SYTL2: variants seen among roughly 807,000 people sequenced by gnomAD.
SYTL2 encodes synaptotagmin-like protein 2.
SYTL2 carries 165 observed loss-of-function variants against 198.7 expected under a neutral mutation model. The ratio of observed to expected loss-of-function variants is 0.83; its 90% CI spans 0.73 to 0.94. The LOEUF (loss-of-function observed/expected upper bound fraction) is 0.94, where lower values mean the gene tolerates loss of function less well. Among genes scored for constraint, SYTL2 ranks in the 40% least tolerant of loss-of-function variants. SYTL2 has a pLI of 0.00. For missense variants in SYTL2, 2,835 were observed against 2,582.8 expected (o/e 1.10, Z -2.12); for synonymous variants, 966 against 917.7 (o/e 1.05, Z -0.95).
At chr11:85,782,918 A>G (rs1310384799) in intron 1 of SYTL2, among the ~76,000 whole-genome samples, 2 of 152,172 alleles carry the variant, frequency 1.3e-5, no homozygotes, top group Admixed American at 6.5e-5. Flanking sequence ...AAAACCATTC[A>G]ACAAGTCTCT....
In SYTL2 at chr11:85,727,352, T is replaced by G. The variant is rs1024117941; in HGVS notation, c.2006A>C (p.Tyr669Ser). The G allele has an allele frequency of 5.2e-6, 8 of 1,536,116 alleles. No homozygotes were observed. In the African/African-American group the frequency reaches 1.1e-4, roughly 21 times the overall value. Residue 669 changes from tyrosine to serine, a missense_variant, in exon 8 of 20, where the codon TAT (tyrosine) becomes TCT (serine). By Grantham distance (144) the Tyr-to-Ser change is moderately radical (BLOSUM62 -2). Coordinates refer to ENST00000359152, the MANE Select transcript of SYTL2 (RefSeq NM_206927.4). Reference protein sequence around the residue: ...GNGASPSNSNYSYSVLKESDA... With the variant: ...GNGASPSNSNSSYSVLKESDA... ...AGATTCCTTGAGAACACTGTAGGAATAGTTACTATTTGAAGGAGATGCCCC... is the reference window on the plus strand; with the variant it reads ...AGATTCCTTGAGAACACTGTAGGAAGAGTTACTATTTGAAGGAGATGCCCC...
intron 1 of SYTL2, among the ~76,000 whole-genome samples, chr11:85,776,259 A>G (rs1483904260): frequency 6.6e-6 from 1 of 152,114 alleles, no homozygotes; most frequent in Admixed American, 6.5e-5. Context: ...GAGCCAAATA[A>G]ACCTTTTATT....
At chr11:85,850,974 A>G in the SYTL2 span, among the ~76,000 whole-genome samples, 1 of 144,104 alleles carries the variant, frequency 6.9e-6, no homozygotes, top group African/African-American at 2.6e-5. Flanking sequence ...GGAACTGAAC[A>G]ATGAGATCAC....
intron 1 of SYTL2, among the ~76,000 whole-genome samples, chr11:85,772,593 G>A (rs1162399526): frequency 1.3e-5 from 2 of 152,194 alleles, no homozygotes; most frequent in Non-Finnish European, 2.9e-5. Flanking sequence ...TGCGTATGAA[G>A]GCAGAATGAC....
At chr11:85,794,862 A>T (rs574859448) in intron 1 of SYTL2, among the ~76,000 whole-genome samples, 1 of 151,944 alleles carries the variant, frequency 6.6e-6, no homozygotes, top group East Asian at 1.9e-4. Context: ...TGGAAAGTAG[A>T]TCCCTTCATC....
Position 85,709,310 on chromosome 11 carries a change from G to A in SYTL2, c.5915+21C>T, listed in dbSNP as rs567429647. The A allele has an allele frequency of 5.6e-6, 9 of 1,612,072 alleles. No homozygotes were observed. In the East Asian group the frequency reaches 1.8e-4, roughly 32 times the overall value. On this transcript the variant is annotated intron_variant, in intron 14 of 19. Coordinates refer to ENST00000359152, the MANE Select transcript of SYTL2 (RefSeq NM_206927.4). ...CAGTTGGAGAACTAAGAGAAGGTAG[G>A]TGACTCTAAAATGTACTTACGGGTC...
At chr11:85,742,548 T>G (rs950160720) in intron 4 of SYTL2, among the ~76,000 whole-genome samples, 11 of 152,332 alleles carry the variant, frequency 7.2e-5, no homozygotes, top group African/African-American at 2.6e-4. Context: ...CATGCACTGT[T>G]TGCCACTGGT....
chr11:85,829,051 T>G, the SYTL2 span, among the ~76,000 whole-genome samples: 17 of 34,442 alleles, frequency 4.9e-4, no homozygotes, highest in African/African-American at 1.3e-3. Context: ...AGAGCTCTGT[T>G]TTTTTTTTTT....
chr11:85,845,229 T>G, the SYTL2 span, among the ~76,000 whole-genome samples: 1 of 152,224 alleles, frequency 6.6e-6, no homozygotes, highest in Admixed American at 6.5e-5. Flanking sequence ...GCAGAATAAC[T>G]TGATTGCTCA....
At chr11:85,815,727 C>T (rs1475894474), upstream of SYTL2, among the ~76,000 whole-genome samples, 1 of 152,146 alleles carries the variant, frequency 6.6e-6, no homozygotes, top group Non-Finnish European at 1.5e-5. Context: ...AAGGTTAGGA[C>T]CCACGGATCT....
chr11:85,849,304 A>G, the SYTL2 span, among the ~76,000 whole-genome samples: 35 of 152,170 alleles, frequency 2.3e-4, no homozygotes, highest in African/African-American at 8.0e-4. Context: ...ATTAGATCCC[A>G]TTTGTCAATT....
intron 1 of SYTL2, among the ~76,000 whole-genome samples, chr11:85,791,189 A>AC (rs1289779864): frequency 2.6e-5 from 4 of 151,016 alleles, no homozygotes; most frequent in South Asian, 2.1e-4. Flanking sequence ...AAAAAAAAAA[A>AC]AAAAAACAAC....
intron 16 of SYTL2, among the ~76,000 whole-genome samples, chr11:85,703,134 T>C (rs2084601023): frequency 6.6e-6 from 1 of 152,050 alleles, no homozygotes; most frequent in East Asian, 1.9e-4. Context: ...ATAAGAGACA[T>C]GTTGGACAGA....
chr11:85,779,948 G>T (rs1054473823), intron 1 of SYTL2, among the ~76,000 whole-genome samples: 3 of 152,214 alleles, frequency 2.0e-5, no homozygotes, highest in Admixed American at 1.3e-4. Flanking sequence ...CTTGCTATGT[G>T]ATGCTGGGCA....
chr11:85,708,856 T>TTTTC (rs2085709972), intron 14 of SYTL2, among the ~76,000 whole-genome samples: 1 of 139,402 alleles, frequency 7.2e-6, no homozygotes, highest in African/African-American at 2.7e-5. Flanking sequence ...TTTTTTTTTT[T>TTTTC]TTTTTTTGAG....
chr11:85,848,181 A>G, the SYTL2 span, among the ~76,000 whole-genome samples: 1 of 152,116 alleles, frequency 6.6e-6, no homozygotes, highest in African/African-American at 2.4e-5. Flanking sequence ...TTGAGGCTAC[A>G]ACGAGCCATT....
At chr11:85,839,486 A>T in the SYTL2 span, among the ~76,000 whole-genome samples, 1 of 152,154 alleles carries the variant, frequency 6.6e-6, no homozygotes, top group Non-Finnish European at 1.5e-5. Context: ...TTGAACTCTC[A>T]TGAGTTCAAT....
rs757789684 is a variant in SYTL2, at chr11:85,757,622, T to C, written c.101+3A>G. On this transcript the variant is annotated splice_donor_region_variant and intron_variant, in intron 2 of 19. Coordinates refer to ENST00000359152, the MANE Select transcript of SYTL2 (RefSeq NM_206927.4). ...CATGCCCAAGGCTTCTCTGGCCTCT[T>C]ACCTGACTCTCTCTTCTTCGGCCCT... The C allele has an allele frequency of 1.9e-6, 3 of 1,613,560 alleles. No individual in the cohort carries two copies. Among genetic ancestry groups the C allele is most frequent in the Non-Finnish European group, 2.5e-6 (3 of 1,179,830 alleles).
chr11:85,737,129 AAT>A (rs1426338997), intron 5 of SYTL2, among the ~76,000 whole-genome samples: 1 of 152,218 alleles, frequency 6.6e-6, no homozygotes, highest in Non-Finnish European at 1.5e-5. Flanking sequence ...AAATGGTATC[AAT>A]AGAGGTTTTA....
Sources: allele counts gnomAD v4.1 joint callset (sites outside exome capture counted in the v4.1 genomes callset), GRCh38; gene constraint gnomAD v4.1.1; transcripts MANE v1.5; gene names NCBI Gene and HGNC (gene_info 2026-07-23, HGNC 2026-07-21).